The following ANO10 variants were observed in gnomAD, a reference collection of about 807,000 sequenced individuals.
The protein encoded by ANO10 is anoctamin-10.
In ANO10, 77 loss-of-function variants were observed where a neutral mutation model predicts 74.7. The observed-to-expected ratio is 1.03, with a 90% CI of 0.86 to 1.25. The LOEUF (loss-of-function observed/expected upper bound fraction) is 1.25, where lower values mean the gene tolerates loss of function less well. ANO10 is among the 50% of genes most tolerant of loss of function. ANO10 has a pLI of 0.00. For missense variants in ANO10, 721 were observed against 778.1 expected (o/e 0.93, Z 0.87); for synonymous variants, 279 against 284.9 (o/e 0.98, Z 0.21).
At chr3:43,502,186 C>T (rs1229307859) in intron 11 of ANO10, among the ~76,000 whole-genome samples, 1 of 152,112 alleles carries the variant, frequency 6.6e-6, no homozygotes, top group African/African-American at 2.4e-5. Context: ...CTGAAACCAG[C>T]ATCTTGAAGA....
At chr3:43,420,873 A>G (rs1221130796) in intron 12 of ANO10, among the ~76,000 whole-genome samples, 2 of 152,236 alleles carry the variant, frequency 1.3e-5, no homozygotes, top group Non-Finnish European at 2.9e-5. Context: ...CTTGTCTGGT[A>G]GTCATAGACC....
intron 11 of ANO10, among the ~76,000 whole-genome samples, chr3:43,438,105 C>T (rs1352433698): frequency 6.6e-6 from 1 of 151,912 alleles, no homozygotes; most frequent in Non-Finnish European, 1.5e-5. Flanking sequence ...TAAAAAAGAA[C>T]CCAACAGAAA....
chr3:43,449,515 C>CTTTTTTTTTTTTTTTTTTT (rs61265406), intron 11 of ANO10, among the ~76,000 whole-genome samples: 2 of 107,124 alleles, frequency 1.9e-5, no homozygotes, highest in Admixed American at 1.1e-4. Flanking sequence ...TATCTAGATT[C>CTTTTTTTTTTTTTTTTTTT]TTTTTTTTTT....
intron 1 of ANO10, among the ~76,000 whole-genome samples, chr3:43,650,206 C>T (rs1307160459): frequency 5.9e-5 from 9 of 152,050 alleles, no homozygotes; most frequent in Non-Finnish European, 1.3e-4. Flanking sequence ...GGATGGGGAG[C>T]TATAAAGGGG....
rs985200541 is a variant in ANO10 at position 43,487,536 on chromosome 3, A to G, written c.1798-54809T>C. 1.4e-4 allele frequency among the ~76,000 whole-genome samples: 21 copies of G among 151,652 alleles called. No individual in the cohort carries two copies. The East Asian group carries it at 3.5e-3, about 25-fold the overall frequency. Reference sequence around the variant, plus strand: ...CTTCTTCCTGGTTTAGTCTTGGGAGAGTGTATGTGTCGAGGAATTTATCCA... The same window carrying G: ...CTTCTTCCTGGTTTAGTCTTGGGAGGGTGTATGTGTCGAGGAATTTATCCA... On this transcript the variant is annotated intron_variant, in intron 11 of 12. Transcript: ENST00000292246.
At chr3:43,443,164 A>G (rs985244696) in intron 11 of ANO10, among the ~76,000 whole-genome samples, 2 of 152,200 alleles carry the variant, frequency 1.3e-5, no homozygotes, top group African/African-American at 4.8e-5. Context: ...ACAGGGAATG[A>G]CAGGGAACCA....
At chr3:43,378,962 A>G (rs1053152826) in intron 12 of ANO10, among the ~76,000 whole-genome samples, 1 of 152,090 alleles carries the variant, frequency 6.6e-6, no homozygotes, top group African/African-American at 2.4e-5. Flanking sequence ...CTTCTTCCCA[A>G]CACCTTTCAT....
intron 12 of ANO10, among the ~76,000 whole-genome samples, chr3:43,373,640 C>T (rs757495413): frequency 1.3e-5 from 2 of 152,188 alleles, no homozygotes; most frequent in Non-Finnish European, 2.9e-5. Flanking sequence ...AAATTACTTC[C>T]CATGGAGAGT....
At chr3:43,578,426 G>A (rs916128258) in intron 5 of ANO10, among the ~76,000 whole-genome samples, 2 of 151,942 alleles carry the variant, frequency 1.3e-5, no homozygotes, top group African/African-American at 2.4e-5. Context: ...CTTCACCATC[G>A]ACTCACTTTC....
intron 1 of ANO10, among the ~76,000 whole-genome samples, chr3:43,609,016 A>G (rs1464389389): frequency 4.6e-5 from 7 of 152,198 alleles, no homozygotes; most frequent in African/African-American, 1.7e-4. Context: ...CCTCTTTACT[A>G]AATTTCTCTT....
chr3:43,367,038 C>A (rs2091435880), intron 12 of ANO10, 64 bp from the exon 13 acceptor site: 1 of 1,486,724 alleles, frequency 6.7e-7, no homozygotes, highest in Admixed American at 2.0e-5. Context: ...GAGGCCTCTG[C>A]TCTCTGTGGA....
chr3:43,400,970 G>A (rs141098900), intron 12 of ANO10, among the ~76,000 whole-genome samples: 3 of 152,146 alleles, frequency 2.0e-5, no homozygotes, highest in African/African-American at 7.2e-5. Flanking sequence ...TTTCCCTTCC[G>A]TTAATCCTCT....
intron 11 of ANO10, among the ~76,000 whole-genome samples, chr3:43,486,388 T>C (rs1559601560): frequency 6.6e-6 from 1 of 151,764 alleles, no homozygotes; most frequent in African/African-American, 2.4e-5. Context: ...ATCTGTAAAT[T>C]ACCTTGGGCA....
chr3:43,401,836 T>C (rs992457229), intron 12 of ANO10, among the ~76,000 whole-genome samples: 4 of 152,230 alleles, frequency 2.6e-5, no homozygotes, highest in Admixed American at 2.6e-4. Context: ...TTTAGATCCA[T>C]GTTTAACTGA....
At chr3:43,417,800 T>G (rs1484492297) in intron 12 of ANO10, among the ~76,000 whole-genome samples, 2 of 152,222 alleles carry the variant, frequency 1.3e-5, no homozygotes, top group Non-Finnish European at 2.9e-5. Flanking sequence ...AAATAAATGT[T>G]AAATATTATA....
chr3:43,567,474 C>A (rs537338164), intron 7 of ANO10, among the ~76,000 whole-genome samples: 2 of 152,088 alleles, frequency 1.3e-5, no homozygotes, highest in African/African-American at 4.8e-5. Flanking sequence ...ATCAGACTAA[C>A]AGCAGATCTC....
intron 12 of ANO10, among the ~76,000 whole-genome samples, chr3:43,370,857 C>G (rs2091584276): frequency 6.6e-6 from 1 of 152,134 alleles, no homozygotes; most frequent in Admixed American, 6.5e-5. Flanking sequence ...CTGAGGAAGA[C>G]TGTGTGACCA....
chr3:43,617,221 T>C (rs2083156746), intron 1 of ANO10, among the ~76,000 whole-genome samples: 1 of 150,772 alleles, frequency 6.6e-6, no homozygotes, highest in South Asian at 2.1e-4. Context: ...CTTTAAGTCT[T>C]CCTGCAGGTG....
intron 1 of ANO10, among the ~76,000 whole-genome samples, chr3:43,611,879 A>G (rs2149514954): frequency 6.6e-6 from 1 of 152,230 alleles, no homozygotes; most frequent in Non-Finnish European, 1.5e-5. Flanking sequence ...CTAGTGTGTC[A>G]AAGATATTCT....
Sources: gnomAD v4.1 joint callset for allele counts (sites outside exome capture counted in the v4.1 genomes callset) on GRCh38, gnomAD v4.1.1 for gene constraint, MANE v1.5 for transcripts, NCBI Gene and HGNC (gene_info 2026-07-23, HGNC 2026-07-21) for gene names.